Variants in PSMD14 observed in about 807,000 individuals in gnomAD.
The protein encoded by PSMD14 is ubiquitin C-terminal hydrolase PSMD14.
In PSMD14, 7 loss-of-function variants were observed where a neutral mutation model predicts 41.2. The ratio of observed to expected loss-of-function variants is 0.17; its 90% CI spans 0.10 to 0.32. The LOEUF is 0.32. Among genes scored for constraint, PSMD14 ranks in the 10% least tolerant of loss-of-function variants. PSMD14 has a pLI of 1.00. For synonymous variants in PSMD14, 114 were observed against 122.3 expected (o/e 0.93, Z 0.45); for missense variants, 139 against 375.6 (o/e 0.37, Z 5.21).
At chr2:161,389,901 T>TTTTTTTTTTTTTGTTTTTTTTG (rs1683689079) in intron 8 of PSMD14, among the ~76,000 whole-genome samples, 1 of 113,340 alleles carries the variant, frequency 8.8e-6, no homozygotes, top group African/African-American at 3.3e-5. Flanking sequence ...TTTTTTTTTT[T>TTTTTTTTTTTTTGTTTTTTTTG]TTTTTTTTTT....
intron 3 of PSMD14, among the ~76,000 whole-genome samples, chr2:161,359,271 C>T (rs1474057825): frequency 6.6e-6 from 1 of 152,086 alleles, no homozygotes; most frequent in Non-Finnish European, 1.5e-5. Context: ...TGTGCCTGGC[C>T]CTACTCAGTT....
At chr2:161,362,622 G>A (rs967732107) in intron 3 of PSMD14, among the ~76,000 whole-genome samples, 3 of 152,126 alleles carry the variant, frequency 2.0e-5, no homozygotes, top group Non-Finnish European at 4.4e-5. Flanking sequence ...TAAAAATTGA[G>A]TATAAAATTC....
rs188193772 is a variant in PSMD14, at chr2:161,392,161, A to G, written c.645+983A>G. Among the ~76,000 whole-genome samples the G allele has an allele frequency of 1.2e-3, 178 of 152,274 alleles. 1 individual carries two copies. Among genetic ancestry groups the G allele is most frequent in the Non-Finnish European group, 1.1e-3 (76 of 68,010 alleles). On this transcript the variant is annotated intron_variant, in intron 9 of 11. Transcript: ENST00000409682. Reference sequence around the variant, plus strand: ...AATCTGCCTGTTGTTTTTTGATATTACAATCTGAACCAGTTTCCCCCCTTT... The same window carrying G: ...AATCTGCCTGTTGTTTTTTGATATTGCAATCTGAACCAGTTTCCCCCCTTT...
At position 161,399,378 on chromosome 2, in the gene PSMD14, C is replaced by T. The variant is rs563245686; in HGVS notation, c.771+4175C>T. Among the ~76,000 whole-genome samples, 4 of 152,154 alleles carry T rather than the reference C, an allele frequency of 2.6e-5. No homozygotes were observed. In the East Asian group the frequency reaches 7.7e-4, roughly 29 times the overall value. The stretch of plus-strand genomic sequence containing the variant: ...TCAGAATGGAAGAAAATATTTTTAC[C>T]TATAACACAGAGTGAGCTAGTATCC... On this transcript the variant is annotated intron_variant, in intron 10 of 11. Coordinates refer to ENST00000409682, the MANE Select transcript of PSMD14 (RefSeq NM_005805.6).
chr2:161,360,361 A>G (rs893093142), intron 3 of PSMD14, among the ~76,000 whole-genome samples: 36 of 136,152 alleles, frequency 2.6e-4, no homozygotes, highest in African/African-American at 1.0e-3. Context: ...TGAGCCTTTC[A>G]TATTGTTTTT....
intron 8 of PSMD14, among the ~76,000 whole-genome samples, chr2:161,388,321 T>G (rs1683659415): frequency 6.6e-6 from 1 of 152,080 alleles, no homozygotes; most frequent in African/African-American, 2.4e-5. Flanking sequence ...AAGGAGCCAT[T>G]GTAGTCATTT....
chr2:161,407,422 A>G (rs537669731), intron 10 of PSMD14: 1 of 152,110 alleles, frequency 6.6e-6, no homozygotes, highest in African/African-American at 2.4e-5. Flanking sequence ...TGTGTTGTAA[A>G]TAAGTATCCT....
chr2:161,400,016 T>C (rs1259071804), intron 10 of PSMD14, among the ~76,000 whole-genome samples: 3 of 152,322 alleles, frequency 2.0e-5, no homozygotes, highest in East Asian at 3.9e-4. Context: ...TGTCAACATA[T>C]TGTGTTGGTA....
intron 3 of PSMD14, among the ~76,000 whole-genome samples, chr2:161,339,735 T>G (rs1453573865): frequency 1.3e-5 from 2 of 152,258 alleles, no homozygotes; most frequent in Non-Finnish European, 2.9e-5. Context: ...CACGTGGCTC[T>G]GTGTTGAAGG....
At chr2:161,346,900 A>C (rs1574124731) in intron 3 of PSMD14, among the ~76,000 whole-genome samples, 1 of 152,072 alleles carries the variant, frequency 6.6e-6, no homozygotes, top group Admixed American at 6.5e-5. Context: ...CCTCACACAC[A>C]TGCATTGATC....
chr2:161,308,821 G>C (rs1689055454), intron 1 of PSMD14: 1 of 152,556 alleles, frequency 6.6e-6, no homozygotes, highest in African/African-American at 2.4e-5. Context: ...ATTCTTTTCT[G>C]TTTGGCCGAA....
intron 10 of PSMD14, among the ~76,000 whole-genome samples, chr2:161,402,335 T>A (rs1051806570): frequency 2.0e-5 from 3 of 151,996 alleles, no homozygotes; most frequent in Non-Finnish European, 4.4e-5. Flanking sequence ...CTGATAAAGG[T>A]CTAATATCTA....
chr2:161,370,291 A>C, intron 6 of PSMD14, 114 bp downstream of exon 6: 1 of 780,012 alleles, frequency 1.3e-6, no homozygotes, highest in Non-Finnish European at 2.0e-6. Context: ...TATGTAATTG[A>C]CATAAAAGTA....
chr2:161,385,104 A>G (rs1683617262), intron 7 of PSMD14: 1 of 154,996 alleles, frequency 6.5e-6, no homozygotes, highest in Non-Finnish European at 1.4e-5. Flanking sequence ...TTTCAGTTTT[A>G]GTTTCTCTGT....
intron 7 of PSMD14, chr2:161,385,196 A>C (rs938422838): frequency 4.4e-6 from 1 of 228,682 alleles, no homozygotes; most frequent in African/African-American, 2.3e-5. Context: ...TAGTAATGAC[A>C]TATTTCAATA....
intron 10 of PSMD14, among the ~76,000 whole-genome samples, chr2:161,400,979 A>G (rs773218665): frequency 1.3e-5 from 2 of 152,226 alleles, no homozygotes; most frequent in Non-Finnish European, 2.9e-5. Context: ...GTCAAAATGT[A>G]TACATACATA....
At chr2:161,347,524 A>G (rs1049224344) in intron 3 of PSMD14, among the ~76,000 whole-genome samples, 9 of 152,202 alleles carry the variant, frequency 5.9e-5, no homozygotes, top group Admixed American at 2.0e-4. Context: ...TCATATTAAG[A>G]TAGTGCTGAG....
At chr2:161,407,562 T>C (rs1683963884) in intron 10 of PSMD14, 1 of 152,136 alleles carries the variant, frequency 6.6e-6, no homozygotes, top group African/African-American at 2.4e-5. Context: ...ATTTTCAAGT[T>C]CTCTGTTTAC....
chr2:161,378,765 G>A (rs918147169), intron 7 of PSMD14, among the ~76,000 whole-genome samples: 1 of 151,870 alleles, frequency 6.6e-6, no homozygotes, highest in Non-Finnish European at 1.5e-5. Flanking sequence ...TCATTTAATT[G>A]ATTTAAATTC....
Sources: allele counts gnomAD v4.1 joint callset (sites outside exome capture counted in the v4.1 genomes callset), GRCh38; gene constraint gnomAD v4.1.1; transcripts MANE v1.5; gene names NCBI Gene and HGNC (gene_info 2026-07-23, HGNC 2026-07-21).